The following RABGAP1L variants were observed in gnomAD, a reference collection of about 807,000 sequenced individuals.
RABGAP1L encodes the protein rab GTPase-activating protein 1-like.
RABGAP1L carries 63 observed loss-of-function variants against 137.7 expected under a neutral mutation model. The ratio of observed to expected loss-of-function variants is 0.46; its 90% confidence interval spans 0.37 to 0.56. RABGAP1L has a LOEUF of 0.56. Among genes scored for constraint, RABGAP1L ranks in the 20% least tolerant of loss-of-function variants. The probability of loss-of-function intolerance (pLI) is 0.00; values close to 1 mark genes in which losing one functional copy is unlikely to be tolerated. For missense variants in RABGAP1L, 1,095 were observed against 1,244.0 expected (o/e 0.88, Z 1.80); for synonymous variants, 431 against 433.7 (o/e 0.99, Z 0.08).
intron 3 of RABGAP1L, among the ~76,000 whole-genome samples, chr1:174,222,380 A>G (rs1318639479): frequency 9.2e-5 from 14 of 152,190 alleles, no homozygotes; most frequent in Admixed American, 9.2e-4. Flanking sequence ...ACTGTTACAC[A>G]ATAGGGCTGT....
At chr1:174,897,591 C>G (rs981606408) in intron 19 of RABGAP1L, 2 of 152,174 alleles carry the variant, frequency 1.3e-5, no homozygotes, top group Admixed American at 6.5e-5. Context: ...GTAAGTGTCT[C>G]CATGGCACAT....
At chr1:174,410,313 C>T (rs1158600053) in intron 13 of RABGAP1L, among the ~76,000 whole-genome samples, 2 of 152,082 alleles carry the variant, frequency 1.3e-5, no homozygotes, top group Non-Finnish European at 1.5e-5. Flanking sequence ...ATGGTGTTCC[C>T]TAGGTTTTCT....
At chr1:174,953,247 T>G (rs1558275901) in intron 19 of RABGAP1L, among the ~76,000 whole-genome samples, 2 of 152,148 alleles carry the variant, frequency 1.3e-5, no homozygotes, top group Non-Finnish European at 2.9e-5. Context: ...TATACAAATA[T>G]GAAATAAACA....
chr1:174,715,366 T>G (rs1680914985), intron 17 of RABGAP1L, among the ~76,000 whole-genome samples: 1 of 152,146 alleles, frequency 6.6e-6, no homozygotes, highest in Non-Finnish European at 1.5e-5. Context: ...AATGAGACCT[T>G]TCATTGAAGA....
intron 13 of RABGAP1L, among the ~76,000 whole-genome samples, chr1:174,598,182 G>A (rs1670116887): frequency 6.6e-6 from 1 of 152,072 alleles, no homozygotes; most frequent in South Asian, 2.1e-4. Flanking sequence ...ACAAAAATTA[G>A]CTGGGCATGT....
chr1:174,683,469 A>C lies in RABGAP1L; in HGVS notation c.1825-53A>C. ...GGAGCCTGGTATGAGCTAACATTTA[A>C]GTTAAAATCTGTGACTATTTACGAT... On this transcript the variant is annotated intron_variant, in intron 14 of 25. Coordinates refer to ENST00000681986, the MANE Select transcript of RABGAP1L (RefSeq NM_001366446.1). The C allele has an allele frequency of 3.5e-6, 5 of 1,431,352 alleles. No individual in the cohort carries two copies. In the South Asian group the frequency reaches 5.9e-5, roughly 17 times the overall value. The allele number at this position is 1,431,352 out of a possible 1,614,324, so 88.7% of individuals were successfully genotyped here. A position where few individuals can be genotyped will look rare whatever the true frequency, so the allele number is the denominator to read the frequency against.
At chr1:174,542,927 G>A (rs1665608563) in intron 13 of RABGAP1L, among the ~76,000 whole-genome samples, 3 of 152,166 alleles carry the variant, frequency 2.0e-5, no homozygotes, top group Non-Finnish European at 2.9e-5. Context: ...TTAATCCTGA[G>A]TTCTAGTTTG....
At chr1:174,278,214 C>G (rs904029633) in intron 9 of RABGAP1L, among the ~76,000 whole-genome samples, 12 of 151,994 alleles carry the variant, frequency 7.9e-5, no homozygotes, top group Admixed American at 2.6e-4. Context: ...ACCAGCCTGG[C>G]CAACATGGTG....
intron 11 of RABGAP1L, among the ~76,000 whole-genome samples, chr1:174,351,820 G>T (rs1284249837): frequency 6.6e-6 from 1 of 151,654 alleles, no homozygotes; most frequent in African/African-American, 2.4e-5. Context: ...TGTTTTGTTT[G>T]AGATGGAGTC....
chr1:174,602,359 C>T (rs1228576111), intron 13 of RABGAP1L, among the ~76,000 whole-genome samples: 5 of 152,084 alleles, frequency 3.3e-5, no homozygotes, highest in African/African-American at 7.2e-5. Context: ...CTGATAAACC[C>T]GTTAGATCTC....
intron 17 of RABGAP1L, among the ~76,000 whole-genome samples, chr1:174,732,576 C>T (rs1381595107): frequency 6.6e-6 from 1 of 152,048 alleles, no homozygotes; most frequent in Non-Finnish European, 1.5e-5. Flanking sequence ...AAAAGGATAC[C>T]TTCAAAGGCA....
intron 11 of RABGAP1L, among the ~76,000 whole-genome samples, chr1:174,356,665 G>C (rs1683663933): frequency 6.6e-6 from 1 of 151,646 alleles, no homozygotes; most frequent in South Asian, 2.1e-4. Context: ...TATTTTGTTT[G>C]ATCTAAAAAT....
chr1:174,448,656 A>T lies in RABGAP1L; in HGVS notation c.1710+54511A>T. The T allele has an allele frequency of 6.2e-7, 1 of 1,613,818 alleles. No homozygotes were observed. Among genetic ancestry groups the T allele is most frequent in the Non-Finnish European group, 8.5e-7 (1 of 1,179,764 alleles). On this transcript the variant is annotated intron_variant, in intron 13 of 25. Transcript: ENST00000681986. The surrounding 1 kb of genome is among the most constrained non-coding windows in gnomAD (Gnocchi z 4.2). Reference sequence around the variant, plus strand: ...TTGCCTTCCTTTTTTGGCTGGGGGAAACCTGGTTACCATGGTGACATTTTT... The same window carrying T: ...TTGCCTTCCTTTTTTGGCTGGGGGATACCTGGTTACCATGGTGACATTTTT...
At chr1:174,420,719 GGCTGGAGT>G (rs1377503688) in intron 13 of RABGAP1L, among the ~76,000 whole-genome samples, 1 of 144,806 alleles carries the variant, frequency 6.9e-6, no homozygotes, top group Non-Finnish European at 1.5e-5. Flanking sequence ...CTGTCACCCA[GGCTGGAGT>G]GCAGTGGCGT....
At chr1:174,721,419 A>G (rs1681530549) in intron 17 of RABGAP1L, among the ~76,000 whole-genome samples, 1 of 152,162 alleles carries the variant, frequency 6.6e-6, no homozygotes, top group Non-Finnish European at 1.5e-5. Flanking sequence ...CTTTGTTTTT[A>G]GTGTTTATTT....
chr1:174,827,494 A>C (rs1455857152), intron 19 of RABGAP1L, among the ~76,000 whole-genome samples: 1 of 121,792 alleles, frequency 8.2e-6, no homozygotes, highest in Non-Finnish European at 1.9e-5. Flanking sequence ...TGTTGTTCTC[A>C]TAGTAACTGA....
chr1:174,316,259 T>C (rs888027878), intron 11 of RABGAP1L, among the ~76,000 whole-genome samples: 1 of 152,246 alleles, frequency 6.6e-6, no homozygotes. Context: ...TGAGTTCATT[T>C]GGTGAGGTCA....
intron 13 of RABGAP1L, among the ~76,000 whole-genome samples, chr1:174,407,179 C>T (rs1037437600): frequency 6.6e-6 from 1 of 152,140 alleles, no homozygotes. Context: ...CACCTACCTC[C>T]TGCCCCAACA....
chr1:174,582,290 A>T lies in RABGAP1L; in HGVS notation c.1711-55085A>T, dbSNP rs186457162. ...AACAGAGTAAGACTTAGAAAAATAA[A>T]AATAAAAAATGTAGATCTGAAGCCT... On this transcript the variant is annotated intron_variant, in intron 13 of 25. Coordinates refer to ENST00000681986, the MANE Select transcript of RABGAP1L (RefSeq NM_001366446.1). 3.1e-4 allele frequency among the ~76,000 whole-genome samples: 47 copies of T among 152,310 alleles called. 1 individual carries two copies. The East Asian group carries it at 9.1e-3, about 29-fold the overall frequency.
Sources: allele counts gnomAD v4.1 joint callset (sites outside exome capture counted in the v4.1 genomes callset), GRCh38; gene constraint gnomAD v4.1.1; non-coding constraint Gnocchi (gnomAD v3.1); transcripts MANE v1.5; gene names NCBI Gene and HGNC (gene_info 2026-07-23, HGNC 2026-07-21).